PDE1C: variants seen among roughly 807,000 people sequenced by gnomAD.
PDE1C encodes the protein dual specificity calcium/calmodulin-dependent 3',5'-cyclic nucleotide phosphodiesterase 1C.
Under a neutral mutation model 93.1 loss-of-function variants are expected in PDE1C, and 62 were observed. The ratio of observed to expected loss-of-function variants is 0.67; its 90% CI spans 0.54 to 0.82. PDE1C has a LOEUF of 0.82. Among genes scored for constraint, PDE1C ranks in the 40% least tolerant of loss-of-function variants. PDE1C has a pLI of 0.00. For missense variants in PDE1C, 742 were observed against 884.6 expected (o/e 0.84, Z 2.04); for synonymous variants, 325 against 310.1 (o/e 1.05, Z -0.50).
chr7:32,071,667 A>G (rs1796070580), upstream of PDE1C, among the ~76,000 whole-genome samples: 1 of 152,174 alleles, frequency 6.6e-6, no homozygotes, highest in Admixed American at 6.5e-5. Flanking sequence ...CAAAGCTGCA[A>G]CTCACTGTCA....
chr7:31,938,826 T>C (rs1042444144), intron 2 of PDE1C, among the ~76,000 whole-genome samples: 3 of 152,194 alleles, frequency 2.0e-5, no homozygotes, highest in African/African-American at 4.8e-5. Context: ...TCACAAATTT[T>C]TGTTGAATGA....
chr7:32,340,499 T>A (rs1224870703), intron 1 of PDE1C, among the ~76,000 whole-genome samples: 1 of 152,170 alleles, frequency 6.6e-6, no homozygotes, highest in African/African-American at 2.4e-5. Flanking sequence ...CACAGCTATT[T>A]TTGTGAAGAC....
chr7:31,884,149 C>CT (rs989035904), intron 2 of PDE1C, among the ~76,000 whole-genome samples: 61 of 152,136 alleles, frequency 4.0e-4, no homozygotes, highest in African/African-American at 1.4e-3. Flanking sequence ...ACCCGTCACT[C>CT]TGTTTATGGA....
intron 2 of PDE1C, among the ~76,000 whole-genome samples, chr7:32,028,670 C>T (rs1684501589): frequency 2.0e-5 from 3 of 151,990 alleles, no homozygotes; most frequent in Admixed American, 2.0e-4. Context: ...TTAACATATC[C>T]ATCACCTTAA....
chr7:31,904,044 G>A (rs1781559983), intron 2 of PDE1C, among the ~76,000 whole-genome samples: 1 of 152,142 alleles, frequency 6.6e-6, no homozygotes. Flanking sequence ...TTGCACATAT[G>A]TATGTAGAAC....
At chr7:31,638,833 G>C in the PDE1C span, among the ~76,000 whole-genome samples, 1 of 152,126 alleles carries the variant, frequency 6.6e-6, no homozygotes, top group Non-Finnish European at 1.5e-5. Context: ...CTGGAGTGGA[G>C]TGACCCAATC....
intron 2 of PDE1C, among the ~76,000 whole-genome samples, chr7:31,974,411 T>G (rs1045075597): frequency 1.3e-5 from 2 of 152,212 alleles, no homozygotes; most frequent in Non-Finnish European, 2.9e-5. Context: ...GGCAGGTCAA[T>G]ATTATCTTTT....
intron 2 of PDE1C, among the ~76,000 whole-genome samples, chr7:32,049,653 A>G (rs1198394530): frequency 2.0e-5 from 3 of 152,178 alleles, no homozygotes; most frequent in Non-Finnish European, 4.4e-5. Flanking sequence ...AAAAAATGCC[A>G]TTGTTGAAAC....
the PDE1C span, among the ~76,000 whole-genome samples, chr7:31,661,759 A>G: frequency 1.3e-5 from 2 of 152,252 alleles, no homozygotes; most frequent in African/African-American, 4.8e-5. Flanking sequence ...GTTTCTGTTC[A>G]TTCTTCTAAG....
At chr7:32,286,725 G>C (rs1486927842) in intron 1 of PDE1C, among the ~76,000 whole-genome samples, 2 of 152,140 alleles carry the variant, frequency 1.3e-5, no homozygotes, top group Non-Finnish European at 2.9e-5. Flanking sequence ...GCAGGTACTA[G>C]AACAACATGT....
At chr7:32,342,578 G>A (rs1020499899) in intron 1 of PDE1C, among the ~76,000 whole-genome samples, 20 of 152,074 alleles carry the variant, frequency 1.3e-4, no homozygotes, top group African/African-American at 1.9e-4. Context: ...AGATAATCAG[G>A]CATTATATAA....
chr7:32,309,828 G>A (rs990251868), intron 1 of PDE1C, among the ~76,000 whole-genome samples: 2 of 152,190 alleles, frequency 1.3e-5, no homozygotes, highest in Non-Finnish European at 2.9e-5. Flanking sequence ...AGGCTAGGAA[G>A]AAACTGGATC....
At chr7:31,944,644 A>G (rs1038311577) in intron 2 of PDE1C, among the ~76,000 whole-genome samples, 1 of 152,214 alleles carries the variant, frequency 6.6e-6, no homozygotes, top group Non-Finnish European at 1.5e-5. Context: ...TTAAAACACC[A>G]TATATCCCCT....
intron 3 of PDE1C, among the ~76,000 whole-genome samples, chr7:32,087,551 C>T (rs1395853658): frequency 1.2e-4 from 18 of 151,908 alleles, no homozygotes; most frequent in East Asian, 3.9e-4. Flanking sequence ...CACATGCACA[C>T]GTATGTTTAT....
At chr7:32,161,664 G>A (rs1283586901) in intron 3 of PDE1C, among the ~76,000 whole-genome samples, 1 of 152,088 alleles carries the variant, frequency 6.6e-6, no homozygotes, top group Non-Finnish European at 1.5e-5. Context: ...TCTTTATGTG[G>A]GCTGGAACAG....
At chr7:31,681,392 GAT>G in the PDE1C span, among the ~76,000 whole-genome samples, 1 of 9,900 alleles carries the variant, frequency 1.0e-4, no homozygotes, top group Non-Finnish European at 2.1e-4. Flanking sequence ...TGGATGGATG[GAT>G]GGATGGATGG....
intron 16 of PDE1C, among the ~76,000 whole-genome samples, chr7:31,800,768 A>C (rs958206233): frequency 2.6e-5 from 4 of 150,946 alleles, no homozygotes; most frequent in Admixed American, 1.3e-4. Context: ...AATTTCTACC[A>C]AAAAAAAGCA....
the PDE1C span, among the ~76,000 whole-genome samples, chr7:31,708,997 T>A: frequency 2.0e-5 from 3 of 152,176 alleles, no homozygotes; most frequent in South Asian, 2.1e-4. Flanking sequence ...CCATAAAGTC[T>A]TTACAAAACC....
chr7:32,218,175 T>G (rs942217533), intron 1 of PDE1C, among the ~76,000 whole-genome samples: 1 of 152,212 alleles, frequency 6.6e-6, no homozygotes, highest in Non-Finnish European at 1.5e-5. Context: ...CCAGTTGAAA[T>G]TTGTGCCCCA....
Sources: gnomAD v4.1 joint callset for allele counts (sites outside exome capture counted in the v4.1 genomes callset) on GRCh38, gnomAD v4.1.1 for gene constraint, MANE v1.5 for transcripts, NCBI Gene and HGNC (gene_info 2026-07-23, HGNC 2026-07-21) for gene names.